The following MYOCD variants were observed in gnomAD, a reference collection of about 807,000 sequenced individuals.
MYOCD encodes myocardin.
MYOCD carries 32 observed loss-of-function variants against 96.1 expected under a neutral mutation model. That is an observed-to-expected ratio of 0.33 (90% CI 0.25 to 0.45). MYOCD has a LOEUF of 0.45. MYOCD is among the 20% of genes least tolerant of loss of function. MYOCD has a pLI of 1.00. For synonymous variants in MYOCD, 469 were observed against 469.0 expected (o/e 1.00, Z 0.00); for missense variants, 1,133 against 1,200.6 (o/e 0.94, Z 0.83).
chr17:12,670,927 T>A (rs1909672813), intron 1 of MYOCD, among the ~76,000 whole-genome samples: 1 of 152,206 alleles, frequency 6.6e-6, no homozygotes, highest in Non-Finnish European at 1.5e-5. Flanking sequence ...AGACCATTCC[T>A]GTCTCCTCAA....
intron 1 of MYOCD, among the ~76,000 whole-genome samples, chr17:12,704,426 G>A (rs7211124): frequency 0.035 from 5,342 of 152,102 alleles, 295 homozygotes; most frequent in African/African-American, 0.12. Context: ...TTATAGATAC[G>A]TAATATTGGG....
chr17:12,742,763 G>A (rs2032551202), intron 7 of MYOCD, among the ~76,000 whole-genome samples: 1 of 151,774 alleles, frequency 6.6e-6, no homozygotes, highest in Admixed American at 6.6e-5. Context: ...CCAGAGACAG[G>A]GTTTCACCAT....
At chr17:12,676,485 T>C (rs2150633548) in intron 1 of MYOCD, among the ~76,000 whole-genome samples, 1 of 152,318 alleles carries the variant, frequency 6.6e-6, no homozygotes, top group African/African-American at 2.4e-5. Context: ...TAAATTTTCT[T>C]ATGTTCTTTC....
intron 5 of MYOCD, among the ~76,000 whole-genome samples, chr17:12,728,333 G>A (rs1410380010): frequency 6.6e-6 from 1 of 152,124 alleles, no homozygotes; most frequent in Admixed American, 6.5e-5. Context: ...CTCCTGGCTT[G>A]AGTAAAACAG....
In MYOCD at chr17:12,764,608, G is replaced by A. The variant is rs2033282950; in HGVS notation, c.*964G>A. 6.6e-6 allele frequency: 1 copy of A among 152,222 alleles called. No individual in the cohort carries two copies. The highest frequency in any genetic ancestry group is 1.5e-5 in the Non-Finnish European group (1 of 68,044). 9.4% of individuals were successfully genotyped at this position (152,222 alleles called of 1,614,324 possible). On this transcript the variant is annotated 3_prime_UTR_variant, in exon 14 of 14. Transcript: ENST00000425538. ...ACATACCCTGGGATAAACACCCTGG[G>A]TTCCTATAGAAGGACTATTACTTAT...
chr17:12,747,904 G>A lies in MYOCD; in HGVS notation c.1125+1832G>A, dbSNP rs186311023. On this transcript the variant is annotated intron_variant, in intron 9 of 13. Coordinates refer to ENST00000425538, the MANE Select transcript of MYOCD (RefSeq NM_001146312.3). ...AAACTGGCTGGGCGTGGTGGCTCAC[G>A]CCTATAATCGCAGCACTTTGGGTGC... Among the ~76,000 whole-genome samples the A allele has an allele frequency of 6.0e-5, 9 of 150,682 alleles. No individual in the cohort carries two copies. In the South Asian group the frequency reaches 8.4e-4, roughly 14 times the overall value.
chr17:12,720,786 G>C (rs1411837792), intron 4 of MYOCD, among the ~76,000 whole-genome samples: 2 of 152,080 alleles, frequency 1.3e-5, no homozygotes, highest in African/African-American at 4.8e-5. Context: ...ACTTTGGGAG[G>C]CCGAGGCGGG....
intron 1 of MYOCD, among the ~76,000 whole-genome samples, chr17:12,682,622 T>A (rs916782149): frequency 6.6e-6 from 1 of 152,232 alleles, no homozygotes; most frequent in Non-Finnish European, 1.5e-5. Flanking sequence ...CCAGGGTTTG[T>A]GATCTTGACC....
At chr17:12,753,416 A>G (rs904586374) in intron 10 of MYOCD, 70 bp downstream of exon 10, 11 of 1,374,228 alleles carry the variant, frequency 8.0e-6, no homozygotes, top group Non-Finnish European at 5.9e-6. Flanking sequence ...TTCAACTGCT[A>G]AAGAGCTAAT....
intron 10 of MYOCD, among the ~76,000 whole-genome samples, chr17:12,754,045 G>A (rs1340089884): frequency 6.9e-6 from 1 of 145,852 alleles, no homozygotes; most frequent in Non-Finnish European, 1.5e-5. Context: ...CACATCTTAT[G>A]GAGAAAAAGC....
intron 2 of MYOCD, chr17:12,710,465 T>C: frequency 1.0e-6 from 1 of 969,582 alleles, no homozygotes; most frequent in Middle Eastern, 5.3e-4. Context: ...GAGCTGTCTA[T>C]GAATGGTGCT....
intron 5 of MYOCD, among the ~76,000 whole-genome samples, chr17:12,725,566 AAT>A (rs1230607173): frequency 2.0e-5 from 3 of 148,806 alleles, no homozygotes; most frequent in African/African-American, 7.3e-5. Context: ...ATTATACAAT[AAT>A]ATGTTAATAT....
chr17:12,738,589 C>A (rs1028350119), intron 6 of MYOCD, among the ~76,000 whole-genome samples: 1 of 152,090 alleles, frequency 6.6e-6, no homozygotes, highest in Non-Finnish European at 1.5e-5. Flanking sequence ...CACACATGCT[C>A]ATAAGCACGC....
At chr17:12,745,877 A>G in intron 8 of MYOCD, 42 bp from the exon 9 acceptor site, 1 of 1,606,750 alleles carries the variant, frequency 6.2e-7, no homozygotes, top group Non-Finnish European at 8.5e-7. Context: ...TATCCCACCA[A>G]TATTTGATTG....
At chr17:12,736,052 G>GGA in intron 5 of MYOCD, 109 bp from the exon 6 acceptor site, 5 of 895,420 alleles carry the variant, frequency 5.6e-6, no homozygotes, top group South Asian at 3.3e-5. Context: ...AAAACAAACT[G>GGA]GAGAGAGAGA....
At chr17:12,762,451 A>T (rs1464063216) in intron 13 of MYOCD, 1 of 152,524 alleles carries the variant, frequency 6.6e-6, no homozygotes, top group African/African-American at 2.4e-5. Flanking sequence ...AGATGACACA[A>T]TCCAAGGTGT....
intron 1 of MYOCD, among the ~76,000 whole-genome samples, chr17:12,704,778 TC>T: frequency 6.6e-6 from 1 of 152,298 alleles, no homozygotes; most frequent in South Asian, 2.1e-4. Context: ...GGACTCTGTC[TC>T]CCCTTTTGAT....
At chr17:12,712,386 C>T (rs2031507482) in intron 2 of MYOCD, among the ~76,000 whole-genome samples, 2 of 152,140 alleles carry the variant, frequency 1.3e-5, no homozygotes, top group Admixed American at 6.5e-5. Context: ...CAGGTACAGC[C>T]CCTGCTTCTG....
intron 5 of MYOCD, among the ~76,000 whole-genome samples, chr17:12,728,160 A>C (rs1449906579): frequency 6.6e-6 from 1 of 152,206 alleles, no homozygotes; most frequent in Non-Finnish European, 1.5e-5. Context: ...GGTCTTGCTC[A>C]GTTTATGAGT....
Sources: allele counts gnomAD v4.1 joint callset (sites outside exome capture counted in the v4.1 genomes callset), GRCh38; gene constraint gnomAD v4.1.1; transcripts MANE v1.5; gene names NCBI Gene and HGNC (gene_info 2026-07-23, HGNC 2026-07-21).